The following RALA variants were observed in gnomAD, a reference collection of about 807,000 sequenced individuals.
RALA encodes the protein RAS like proto-oncogene A.
In RALA, 5 loss-of-function variants were observed where a neutral mutation model predicts 24.0. The ratio of observed to expected loss-of-function variants is 0.21; its 90% CI spans 0.11 to 0.44. RALA has a LOEUF of 0.44. Among genes scored for constraint, RALA ranks in the 20% least tolerant of loss-of-function variants. The probability of loss-of-function intolerance (pLI) is 0.99; values close to 1 mark genes in which losing one functional copy is unlikely to be tolerated. For synonymous variants in RALA, 77 were observed against 83.8 expected (o/e 0.92, Z 0.44); for missense variants, 95 against 241.2 (o/e 0.39, Z 4.01).
At chr7:39,634,251 G>A (rs1791648098) in intron 1 of RALA, among the ~76,000 whole-genome samples, 1 of 151,174 alleles carries the variant, frequency 6.6e-6, no homozygotes, top group Admixed American at 6.6e-5. Flanking sequence ...CCATTCCTTG[G>A]TCCATTCCAG....
chr7:39,634,708 T>G (rs1791657138), intron 1 of RALA, among the ~76,000 whole-genome samples: 1 of 152,216 alleles, frequency 6.6e-6, no homozygotes, highest in African/African-American at 2.4e-5. Flanking sequence ...TGCTACTTCA[T>G]TCTTATTTGC....
At chr7:39,704,021 C>T (rs907230744) in intron 4 of RALA, among the ~76,000 whole-genome samples, 7 of 151,816 alleles carry the variant, frequency 4.6e-5, no homozygotes, top group African/African-American at 9.7e-5. Context: ...CAAAAATTAG[C>T]CAGACATGGT....
intron 1 of RALA, among the ~76,000 whole-genome samples, chr7:39,630,982 A>G (rs777157172): frequency 6.6e-6 from 1 of 150,766 alleles, no homozygotes; most frequent in Non-Finnish European, 1.5e-5. Context: ...TAAGTCTATG[A>G]AACAATTCAT....
chr7:39,624,923 T>C (rs530253143), intron 1 of RALA, among the ~76,000 whole-genome samples: 1 of 152,354 alleles, frequency 6.6e-6, no homozygotes, highest in Admixed American at 6.5e-5. Context: ...TATTAGCTCA[T>C]GTTTTTCTGT....
At chr7:39,639,116 T>G (rs1791735911) in intron 1 of RALA, among the ~76,000 whole-genome samples, 2 of 152,202 alleles carry the variant, frequency 1.3e-5, no homozygotes, top group Non-Finnish European at 2.9e-5. Context: ...ACAAAAACAA[T>G]TTTACCATAG....
intron 4 of RALA, among the ~76,000 whole-genome samples, chr7:39,699,121 A>ATTTTTTTTTTTTTTTTTTTTTT (rs71560137): frequency 1.6e-5 from 1 of 61,372 alleles, no homozygotes; most frequent in Non-Finnish European, 3.4e-5. Flanking sequence ...TAAAAATGTT[A>ATTTTTTTTTTTTTTTTTTTTTT]TTTTTTTTTT....
intron 1 of RALA, among the ~76,000 whole-genome samples, chr7:39,642,070 G>A (rs919196322): frequency 2.0e-5 from 3 of 152,156 alleles, no homozygotes; most frequent in African/African-American, 2.4e-5. Flanking sequence ...CCAAGAGAGA[G>A]ACTAAAGATC....
chr7:39,636,764 G>T (rs1791690959), intron 1 of RALA, among the ~76,000 whole-genome samples: 1 of 152,144 alleles, frequency 6.6e-6, no homozygotes, highest in Admixed American at 6.5e-5. Flanking sequence ...AATCATGACC[G>T]GGAGCCCTCA....
At chr7:39,666,641 T>C (rs1366987377) in intron 1 of RALA, among the ~76,000 whole-genome samples, 2 of 152,234 alleles carry the variant, frequency 1.3e-5, no homozygotes, top group African/African-American at 2.4e-5. Flanking sequence ...GTGCCACATA[T>C]ACAAGTCAGA....
chr7:39,626,283 C>A (rs1224494025), intron 1 of RALA, among the ~76,000 whole-genome samples: 1 of 152,248 alleles, frequency 6.6e-6, no homozygotes, highest in Non-Finnish European at 1.5e-5. Context: ...CACAACACTT[C>A]TGCAAGACAG....
intron 1 of RALA, among the ~76,000 whole-genome samples, chr7:39,676,431 G>C (rs1267045233): frequency 6.6e-6 from 1 of 152,184 alleles, no homozygotes. Context: ...AAATGCCTGG[G>C]ATCAGAAGTG....
At chr7:39,668,188 T>A (rs1330973278) in intron 1 of RALA, among the ~76,000 whole-genome samples, 1 of 152,220 alleles carries the variant, frequency 6.6e-6, no homozygotes, top group African/African-American at 2.4e-5. Context: ...GTAGCAGGTT[T>A]TTTAAAAGAA....
chr7:39,680,985 C>G (rs1387216475), intron 1 of RALA, among the ~76,000 whole-genome samples: 2 of 152,134 alleles, frequency 1.3e-5, no homozygotes, highest in Non-Finnish European at 2.9e-5. Flanking sequence ...CATCTATACC[C>G]CTATTCTTTG....
intron 4 of RALA, among the ~76,000 whole-genome samples, chr7:39,703,674 T>C (rs1314071358): frequency 1.3e-5 from 2 of 152,172 alleles, no homozygotes; most frequent in East Asian, 3.8e-4. Flanking sequence ...AAATAGGTAT[T>C]ATTAAAAGAA....
chr7:39,676,386 C>T (rs1195057840), intron 1 of RALA, among the ~76,000 whole-genome samples: 1 of 152,218 alleles, frequency 6.6e-6, no homozygotes, highest in Non-Finnish European at 1.5e-5. Flanking sequence ...TTTTATTAGA[C>T]TGAAGCCTAA....
intron 1 of RALA, among the ~76,000 whole-genome samples, chr7:39,667,667 C>G (rs956853908): frequency 6.6e-6 from 1 of 152,244 alleles, no homozygotes; most frequent in East Asian, 1.9e-4. Flanking sequence ...GCTTGATATC[C>G]TGCCCACACA....
chr7:39,699,121 ATTTTT>A lies in RALA; in HGVS notation c.498+2288_498+2292del, dbSNP rs71560137. ...CAGCAATTTAAGTGCTAAAAATGTT[ATTTTT>A]TTTTTTTTTTTTTTTTTTTTTTTTT... On this transcript the variant is annotated intron_variant, in intron 4 of 4. Transcript: ENST00000005257. Among the ~76,000 whole-genome samples, 100 of 61,362 alleles carry A rather than the reference ATTTTT, an allele frequency of 1.6e-3. 1 individual carries two copies. The highest frequency in any genetic ancestry group is 4.8e-3 in the African/African-American group (90 of 18,698). The allele number at this position is 61,362 out of a possible 152,430, so 40.3% of individuals were successfully genotyped here.
At chr7:39,685,613 C>T (rs1178648690) in intron 1 of RALA, among the ~76,000 whole-genome samples, 2 of 151,738 alleles carry the variant, frequency 1.3e-5, no homozygotes, top group African/African-American at 2.4e-5. Context: ...CTGGCCTCTC[C>T]ACACTGAGTG....
At chr7:39,698,840 C>CA (rs1792966282) in intron 4 of RALA, among the ~76,000 whole-genome samples, 1 of 152,036 alleles carries the variant, frequency 6.6e-6, no homozygotes, top group Non-Finnish European at 1.5e-5. Flanking sequence ...GAAAATGGCC[C>CA]AAAAACAGCA....
Sources: gnomAD v4.1 joint callset for allele counts (sites outside exome capture counted in the v4.1 genomes callset) on GRCh38, gnomAD v4.1.1 for gene constraint, MANE v1.5 for transcripts, NCBI Gene and HGNC (gene_info 2026-07-23, HGNC 2026-07-21) for gene names.